The following LAMA2 variants were observed in gnomAD, a reference collection of about 807,000 sequenced individuals.
LAMA2 encodes laminin subunit alpha-2.
LAMA2 carries 269 observed loss-of-function variants against 364.8 expected under a neutral mutation model. The ratio of observed to expected loss-of-function variants is 0.74; its 90% CI spans 0.67 to 0.82. The LOEUF (loss-of-function observed/expected upper bound fraction) is 0.82. Ranked by LOEUF, LAMA2 falls within the 40% of genes least tolerant of loss-of-function variation. The probability of loss-of-function intolerance (pLI) is 0.00; values close to 1 mark genes in which losing one functional copy is unlikely to be tolerated. For missense variants in LAMA2, 3,807 were observed against 3,873.2 expected, an observed-to-expected ratio of 0.98 and a Z score of 0.45; for synonymous variants, 1,379 against 1,370.6, an observed-to-expected ratio of 1.01 and a Z score of -0.14.
At chr6:129,142,035 T>TA (rs1778150024) in intron 4 of LAMA2, among the ~76,000 whole-genome samples, 1 of 152,078 alleles carries the variant, frequency 6.6e-6, no homozygotes, top group Admixed American at 6.6e-5. Context: ...CCTATCTGTA[T>TA]GTTGAGAGAT....
At chr6:129,439,380 T>C (rs947655041) in intron 42 of LAMA2, among the ~76,000 whole-genome samples, 10 of 152,048 alleles carry the variant, frequency 6.6e-5, no homozygotes, top group African/African-American at 2.4e-4. Flanking sequence ...CTGTATTGTC[T>C]TCTGTGTTTC....
intron 12 of LAMA2, among the ~76,000 whole-genome samples, chr6:129,203,096 A>C (rs2115055871): frequency 6.6e-6 from 1 of 152,372 alleles, no homozygotes; most frequent in East Asian, 1.9e-4. Flanking sequence ...TTCCCTCTGA[A>C]GTTTTAAAAA....
At position 129,098,276 on chromosome 6, in the gene LAMA2, A is replaced by C. The variant is rs1310253702; in HGVS notation, c.500A>C (p.Gln167Pro). 1.9e-6 allele frequency: 3 copies of C among 1,614,026 alleles called. No individual in the cohort carries two copies. The highest frequency in any genetic ancestry group is 2.5e-6 in the Non-Finnish European group (3 of 1,180,012). ...GATGATGTTGAATACAAGCCCTGGC[A>C]GTATCATGCTGTGACAGACACGGAG... ...SLDDVEYKPW[Q>P]YHAVTDTECL... The change falls in exon 4 of 65, where the codon CAG becomes CCG. Residue 167 changes from glutamine (Q) to proline (P), a missense_variant. Coordinates refer to ENST00000421865, the MANE Select transcript of LAMA2 (RefSeq NM_000426.4).
At chr6:129,203,079 T>G (rs998132322) in intron 12 of LAMA2, among the ~76,000 whole-genome samples, 4 of 152,230 alleles carry the variant, frequency 2.6e-5, no homozygotes, top group African/African-American at 7.2e-5. Context: ...ACTTCCTGTA[T>G]AAAATTTTCC....
chr6:129,343,693 G>A (rs1233818796), intron 30 of LAMA2, among the ~76,000 whole-genome samples: 1 of 152,100 alleles, frequency 6.6e-6, no homozygotes, highest in Non-Finnish European at 1.5e-5. Context: ...AGCTACAGGA[G>A]ATATACAAGA....
rs1041701699 is a variant in LAMA2, at chr6:129,153,235, A to G, written c.1028-1270A>G. 1.3e-5 allele frequency among the ~76,000 whole-genome samples: 2 copies of G among 152,232 alleles called. 1 individual carries two copies. The highest frequency in any genetic ancestry group is 2.9e-5 in the Non-Finnish European group (2 of 68,040). On this transcript the variant is annotated intron_variant, in intron 7 of 64. Transcript: ENST00000421865. Reference sequence around the variant, plus strand: ...TCAATTGCTAACTTCTTTATAAGACATTACGCTAATGATTTCACATGCATT... The same window carrying G: ...TCAATTGCTAACTTCTTTATAAGACGTTACGCTAATGATTTCACATGCATT...
chr6:128,890,960 A>G (rs1303777589), intron 1 of LAMA2, among the ~76,000 whole-genome samples: 1 of 152,122 alleles, frequency 6.6e-6, no homozygotes, highest in African/African-American at 2.4e-5. Context: ...TTTGAAGTTG[A>G]ACTCAGTTAA....
At chr6:129,476,459 C>T (rs987371428) in intron 53 of LAMA2, among the ~76,000 whole-genome samples, 1 of 152,074 alleles carries the variant, frequency 6.6e-6, no homozygotes, top group Non-Finnish European at 1.5e-5. Flanking sequence ...TGTAATTTTG[C>T]CTTTGAGTGG....
intron 22 of LAMA2, among the ~76,000 whole-genome samples, chr6:129,308,838 C>T (rs1774038075): frequency 6.6e-6 from 1 of 152,132 alleles, no homozygotes; most frequent in Non-Finnish European, 1.5e-5. Context: ...GACAGACTTC[C>T]ACATGGCAGG....
chr6:129,082,559 C>T (rs1400351693), intron 3 of LAMA2, among the ~76,000 whole-genome samples: 1 of 152,064 alleles, frequency 6.6e-6, no homozygotes, highest in Non-Finnish European at 1.5e-5. Context: ...TGAGAATGCA[C>T]ATAAAGTATA....
intron 4 of LAMA2, among the ~76,000 whole-genome samples, chr6:129,099,188 G>A (rs368420107): frequency 7.7e-6 from 1 of 130,154 alleles, no homozygotes; most frequent in Non-Finnish European, 1.6e-5. Context: ...TAAATTCTCT[G>A]CACCTCAGTT....
chr6:129,154,644 C>T lies in LAMA2; in HGVS notation c.1167C>T (p.Asn389=). Residue 389 remains asparagine (N), a synonymous_variant, in exon 8 of 65, where the codon AAC becomes AAT. Coordinates refer to ENST00000421865, the MANE Select transcript of LAMA2 (RefSeq NM_000426.4). ...GTACCCAAAACACTGCTGGTATAAA[C>T]TGCGAGACATGTACTGATGGCTTCT... is the stretch of plus-strand genomic sequence containing the variant. ...INCTQNTAGI[N]CETCTDGFFR... The T allele has an allele frequency of 2.5e-6, 4 of 1,614,010 alleles. No individual in the cohort carries two copies. Among genetic ancestry groups the T allele is most frequent in the Non-Finnish European group, 2.5e-6 (3 of 1,179,942 alleles).
chr6:129,388,057 A>G (rs1779111666), intron 35 of LAMA2, among the ~76,000 whole-genome samples: 1 of 152,216 alleles, frequency 6.6e-6, no homozygotes, highest in Admixed American at 6.5e-5. Flanking sequence ...CAGGCGTTCA[A>G]GACCAGCCTG....
intron 1 of LAMA2, among the ~76,000 whole-genome samples, chr6:128,992,200 C>T (rs181338428): frequency 1.2e-4 from 18 of 152,278 alleles, no homozygotes; most frequent in Non-Finnish European, 1.9e-4. Context: ...TAGTCATTGG[C>T]GGCCAGTGAG....
Position 129,027,479 on chromosome 6 carries a change from A to G in LAMA2, c.113-22439A>G, listed in dbSNP as rs375053078. 6.9e-4 allele frequency among the ~76,000 whole-genome samples: 105 copies of G among 152,106 alleles called. 1 individual carries two copies. In the South Asian group the frequency reaches 0.021, roughly 30 times the overall value. On this transcript the variant is annotated intron_variant, in intron 1 of 64. Transcript: ENST00000421865. ...ACTGTCAAGTGTTGACTATGCACCTATTGGTGTGCTAGACATTCTGAAGAT... is the reference window on the plus strand; with the variant it reads ...ACTGTCAAGTGTTGACTATGCACCTGTTGGTGTGCTAGACATTCTGAAGAT...
chr6:129,407,342 T>A (rs1000146873), intron 40 of LAMA2, among the ~76,000 whole-genome samples: 1 of 152,070 alleles, frequency 6.6e-6, no homozygotes, highest in Non-Finnish European at 1.5e-5. Context: ...ATAAAGACAA[T>A]AATAACATCA....
chr6:129,041,092 T>C (rs973084373), intron 1 of LAMA2, among the ~76,000 whole-genome samples: 1 of 152,216 alleles, frequency 6.6e-6, no homozygotes, highest in East Asian at 1.9e-4. Flanking sequence ...TTTCTTCATT[T>C]GTAAAATTCA....
intron 4 of LAMA2, among the ~76,000 whole-genome samples, chr6:129,143,018 A>T (rs545618980): frequency 1.1e-3 from 163 of 152,134 alleles, no homozygotes; most frequent in African/African-American, 3.8e-3. Flanking sequence ...TATCCGTGCC[A>T]ACAGTACCTT....
At chr6:128,940,260 C>G (rs577382773) in intron 1 of LAMA2, among the ~76,000 whole-genome samples, 1 of 152,256 alleles carries the variant, frequency 6.6e-6, no homozygotes, top group Admixed American at 6.5e-5. Context: ...TCTCATCAGA[C>G]TGTCTCCCTA....
Sources: allele counts gnomAD v4.1 joint callset (sites outside exome capture counted in the v4.1 genomes callset), GRCh38; gene constraint gnomAD v4.1.1; transcripts MANE v1.5; gene names NCBI Gene and HGNC (gene_info 2026-07-23, HGNC 2026-07-21).